GRM4: variants seen among roughly 807,000 people sequenced by gnomAD.
GRM4 encodes metabotropic glutamate receptor 4.
GRM4 carries 28 observed loss-of-function variants against 81.7 expected under a neutral mutation model. The ratio of observed to expected loss-of-function variants is 0.34; its 90% CI spans 0.25 to 0.47. The LOEUF (loss-of-function observed/expected upper bound fraction) is 0.47, where lower values mean the gene tolerates loss of function less well. GRM4 is among the 20% of genes least tolerant of loss of function. GRM4 has a pLI of 1.00. For missense variants in GRM4, 948 were observed against 1,290.0 expected, an observed-to-expected ratio of 0.73 and a Z score of 4.06; for synonymous variants, 488 against 528.8, an observed-to-expected ratio of 0.92 and a Z score of 1.06.
rs1194193632 is a variant in GRM4, at chr6:34,059,243, A to T, written c.873-115T>A. 1.1e-6 allele frequency: 1 copy of T among 904,712 alleles called. No homozygotes were observed. The highest frequency in any genetic ancestry group is 1.7e-6 in the Non-Finnish European group (1 of 578,874). The allele number at this position is 904,712 out of a possible 1,614,324, so 56.0% of individuals were successfully genotyped here. On this transcript the variant is annotated intron_variant, in intron 4 of 10. Transcript: ENST00000538487. This position sits in a 1 kb window ranked among gnomAD's most constrained non-coding sequence, Gnocchi z 5.7. ...TCACCCCCAGAAGCCCAGGGTCCAC[A>T]ACTGTCCCAGCACCGATGCTTTCAC...
chr6:34,063,917 C>T (rs1342141907), intron 3 of GRM4, among the ~76,000 whole-genome samples: 4 of 152,220 alleles, frequency 2.6e-5, no homozygotes, highest in Admixed American at 6.5e-5. Context: ...GCTCCAGGAG[C>T]GGGAAGGAAG....
rs533357134 is a variant in GRM4 at position 34,025,158 on chromosome 6, G to A, written c.2690-2288C>T. Reference sequence around the variant, plus strand: ...TTTCCCTGCTTGTAACTTGAGCAAAGTGGCCCTTTTTGCCTAGACTACTTC... The same window carrying A: ...TTTCCCTGCTTGTAACTTGAGCAAAATGGCCCTTTTTGCCTAGACTACTTC... On this transcript the variant is annotated intron_variant, in intron 10 of 10. Transcript: ENST00000538487. Among the ~76,000 whole-genome samples the A allele has an allele frequency of 4.0e-4, 61 of 152,282 alleles. 1 individual carries two copies. Among genetic ancestry groups the A allele is most frequent in the African/African-American group, 1.4e-3 (57 of 41,548 alleles).
intron 3 of GRM4, among the ~76,000 whole-genome samples, chr6:34,063,909 T>C (rs1057339285): frequency 1.3e-5 from 2 of 152,116 alleles, no homozygotes; most frequent in African/African-American, 4.8e-5. Context: ...GCCACCTGGC[T>C]CCAGGAGCGG....
At chr6:34,065,077 G>A (rs572980384) in intron 3 of GRM4, among the ~76,000 whole-genome samples, 8 of 152,216 alleles carry the variant, frequency 5.3e-5, no homozygotes, top group South Asian at 4.2e-4. Context: ...TTCATGTGCC[G>A]GAGCCTCTTC....
Position 34,121,532 on chromosome 6 carries a change from C to A in GRM4, c.519+11446G>T, listed in dbSNP as rs181039796. 3.3e-5 allele frequency among the ~76,000 whole-genome samples: 5 copies of A among 152,350 alleles called. No homozygotes were observed. Among genetic ancestry groups the A allele is most frequent in the East Asian group, 1.9e-4 (1 of 5,192 alleles). ...CCCGCTCTACCCAGCCAGAGCTCCC[C>A]CTCCAGGAGATTTCAACTCTGATAG... is the stretch of plus-strand genomic sequence containing the variant. On this transcript the variant is annotated intron_variant, in intron 2 of 10. Transcript: ENST00000538487. This position sits in a 1 kb window ranked among gnomAD's most constrained non-coding sequence, Gnocchi z 4.6.
rs2127461039 is a variant in GRM4, at chr6:34,059,768, A to G, written c.873-640T>C. The G allele has an allele frequency of 1.3e-5, 2 of 152,502 alleles. 1 individual carries two copies. The highest frequency in any genetic ancestry group is 4.2e-4 in the South Asian group (2 of 4,818). The allele number at this position is 152,502 out of a possible 1,614,324, so 9.4% of individuals were successfully genotyped here. A position where few individuals can be genotyped will look rare whatever the true frequency, so the allele number is the denominator to read the frequency against. ...CAGTCTGCCTGTGATGGTAATATAA[A>G]TCAAACCAGGGACCCAAGAGCCCAG... is the stretch of plus-strand genomic sequence containing the variant. On this transcript the variant is annotated intron_variant, in intron 4 of 10. Transcript: ENST00000538487. The surrounding 1 kb of genome is among the most constrained non-coding windows in gnomAD (Gnocchi z 5.7).
Position 34,132,910 on chromosome 6 carries a change from A to G in GRM4, c.519+68T>C, listed in dbSNP as rs528189367. The G allele has an allele frequency of 4.7e-5, 63 of 1,345,514 alleles. 1 individual carries two copies. The South Asian group carries it at 8.0e-4, about 17-fold the overall frequency. 83.3% of individuals were successfully genotyped at this position (1,345,514 alleles called of 1,614,324 possible). ...AAGGGGCTGGTCGGCCAGGCCTGGCACCCTGAAGTGGGGCGGGCAGAGTCC... is the reference window on the plus strand; with the variant it reads ...AAGGGGCTGGTCGGCCAGGCCTGGCGCCCTGAAGTGGGGCGGGCAGAGTCC... On this transcript the variant is annotated intron_variant, in intron 2 of 10. Coordinates refer to ENST00000538487, the MANE Select transcript of GRM4 (RefSeq NM_000841.4).
At chr6:34,091,024 G>C (rs542345924) in intron 3 of GRM4, among the ~76,000 whole-genome samples, 13 of 152,086 alleles carry the variant, frequency 8.5e-5, no homozygotes, top group South Asian at 4.1e-4. Context: ...CAGCCCCCCA[G>C]GAGCTGTCCC....
intron 3 of GRM4, chr6:34,062,799 C>T (rs761919136): frequency 6.6e-6 from 1 of 151,874 alleles, no homozygotes; most frequent in Non-Finnish European, 1.5e-5. Flanking sequence ...CATCCCCAGC[C>T]CCAGATGTGC....
At chr6:34,137,185 G>C (rs928199486) in intron 1 of GRM4, among the ~76,000 whole-genome samples, 2 of 152,190 alleles carry the variant, frequency 1.3e-5, no homozygotes, top group Admixed American at 6.5e-5. Flanking sequence ...CCCACCCCCA[G>C]ACGGGCCTCT....
At position 34,062,094 on chromosome 6, in the gene GRM4, A is replaced by G. The variant is rs986704350; in HGVS notation, c.737-66T>C. ...CCTGAGTCTCCCCACCACTCTCCCAACATACACTCCGGGAGATGGGGGCTG... is the reference window on the plus strand; with the variant it reads ...CCTGAGTCTCCCCACCACTCTCCCAGCATACACTCCGGGAGATGGGGGCTG... On this transcript the variant is annotated intron_variant, in intron 3 of 10. Coordinates refer to ENST00000538487, the MANE Select transcript of GRM4 (RefSeq NM_000841.4). 6 of 1,524,724 alleles carry G rather than the reference A, an allele frequency of 3.9e-6. No homozygotes were observed. In the African/African-American group the frequency reaches 5.5e-5, roughly 14 times the overall value. 94.4% of individuals were successfully genotyped at this position (1,524,724 alleles called of 1,614,324 possible).
rs192232863 is a variant in GRM4, at chr6:34,142,782, C to A, written c.-364+3218G>T. Among the ~76,000 whole-genome samples, 60 of 152,318 alleles carry A rather than the reference C, an allele frequency of 3.9e-4. 1 individual carries two copies. In the South Asian group the frequency reaches 0.012, roughly 31 times the overall value. The stretch of plus-strand genomic sequence containing the variant: ...CCTCTCAGAGAAGTCACGCCTCCAA[C>A]GGAATGAAGCCGCCCAGACGCAGGT... On this transcript the variant is annotated intron_variant, in intron 1 of 10. Coordinates refer to ENST00000538487, the MANE Select transcript of GRM4 (RefSeq NM_000841.4).
chr6:34,028,219 C>T lies in GRM4; in HGVS notation c.2590G>A (p.Val864Ile), dbSNP rs771995442. The part of the protein sequence containing the change: ...PKRKRSLKAV[V>I]TAATMSNKFT... The stretch of plus-strand genomic sequence containing the variant: ...TTGTTGGACATGGTGGCCGCCGTAA[C>T]GACGGCTTTGAGGCTGCGCTTGCGC... Residue 864 changes from valine (V) to isoleucine (I), a missense_variant, in exon 10 of 11, where the codon GTT (valine) becomes ATT (isoleucine). By Grantham distance (29) the Val-to-Ile change is conservative (BLOSUM62 3). Transcript: ENST00000538487. The T allele has an allele frequency of 4.3e-6, 7 of 1,613,998 alleles. No individual in the cohort carries two copies. The highest frequency in any genetic ancestry group is 1.7e-5 in the Admixed American group (1 of 60,012).
intron 10 of GRM4, among the ~76,000 whole-genome samples, chr6:34,023,910 T>C (rs1366336224): frequency 6.6e-6 from 1 of 152,068 alleles, no homozygotes; most frequent in Non-Finnish European, 1.5e-5. Flanking sequence ...GCCGCCTCAG[T>C]GGTGGTAATC....
intron 2 of GRM4, among the ~76,000 whole-genome samples, chr6:34,118,356 A>G (rs370696425): frequency 1.3e-5 from 2 of 152,198 alleles, no homozygotes; most frequent in African/African-American, 4.8e-5. Flanking sequence ...AGGCTCCTGC[A>G]CTAAGAGCTG....
Position 34,115,742 on chromosome 6 carries a change from A to C in GRM4, c.519+17236T>G, listed in dbSNP as rs887413258. On this transcript the variant is annotated intron_variant, in intron 2 of 10. Transcript: ENST00000538487. This position sits in a 1 kb window ranked among gnomAD's most constrained non-coding sequence, Gnocchi z 4.1. ...AAATAACTGTGCAGCGCGAGGCTGGAGGAGGAGTTCGAGGTTCTCACCCCA... is the reference window on the plus strand; with the variant it reads ...AAATAACTGTGCAGCGCGAGGCTGGCGGAGGAGTTCGAGGTTCTCACCCCA... 2.6e-5 allele frequency among the ~76,000 whole-genome samples: 4 copies of C among 152,178 alleles called. No individual in the cohort carries two copies. Among genetic ancestry groups the C allele is most frequent in the African/African-American group, 9.7e-5 (4 of 41,438 alleles).
Position 34,130,575 on chromosome 6 carries a change from C to A in GRM4, c.519+2403G>T, listed in dbSNP as rs952412006. Among the ~76,000 whole-genome samples the A allele has an allele frequency of 6.6e-6, 1 of 152,246 alleles. No homozygotes were observed. The highest frequency in any genetic ancestry group is 1.5e-5 in the Non-Finnish European group (1 of 68,048). On this transcript the variant is annotated intron_variant, in intron 2 of 10. Coordinates refer to ENST00000538487, the MANE Select transcript of GRM4 (RefSeq NM_000841.4). The surrounding 1 kb of genome is among the most constrained non-coding windows in gnomAD (Gnocchi z 4.1). Reference sequence around the variant, plus strand: ...CCCATGCTGGGAGAGGTTAGCACAGCAGCTGCAGCCCACTCCCCTGTCTGG... The same window carrying A: ...CCCATGCTGGGAGAGGTTAGCACAGAAGCTGCAGCCCACTCCCCTGTCTGG...
At chr6:34,095,115 CGCGTCAGCCTGCAGGAGA>C (rs1319921934) in intron 2 of GRM4, among the ~76,000 whole-genome samples, 1 of 152,178 alleles carries the variant, frequency 6.6e-6, no homozygotes, top group African/African-American at 2.4e-5. Context: ...GCAGGATATG[CGCGTCAGCCTGCAGGAGA>C]GCCCCGGACC....
intron 2 of GRM4, among the ~76,000 whole-genome samples, chr6:34,113,514 T>C (rs728835): frequency 0.071 from 10,758 of 152,180 alleles, 710 homozygotes; most frequent in African/African-American, 0.18. Flanking sequence ...GGAAAACAGA[T>C]GCGGGTCCTT....
Sources: allele counts gnomAD v4.1 joint callset (sites outside exome capture counted in the v4.1 genomes callset), GRCh38; gene constraint gnomAD v4.1.1; non-coding constraint Gnocchi (gnomAD v3.1); transcripts MANE v1.5; gene names NCBI Gene and HGNC (gene_info 2026-07-23, HGNC 2026-07-21).